ELMO2: variants seen among roughly 807,000 people sequenced by gnomAD.
The protein encoded by ELMO2 is engulfment and cell motility protein 2.
A neutral mutation model predicts 96.2 loss-of-function variants in ELMO2; 37 were observed. The observed-to-expected ratio is 0.38, with a 90% CI of 0.30 to 0.51. The LOEUF (loss-of-function observed/expected upper bound fraction) is 0.51, where lower values mean the gene tolerates loss of function less well. ELMO2 is among the 20% of genes least tolerant of loss of function. The pLI is 0.88. For missense variants in ELMO2, 561 were observed against 912.6 expected (o/e 0.61, Z 4.96); for synonymous variants, 315 against 329.4 (o/e 0.96, Z 0.47).
In ELMO2 at chr20:46,366,162, C is replaced by G. The variant is rs2059582492; in HGVS notation, c.*1198G>C. 2.0e-5 allele frequency: 3 copies of G among 152,606 alleles called. No individual in the cohort carries two copies. The South Asian group carries it at 6.2e-4, about 32-fold the overall frequency. 9.5% of individuals were successfully genotyped at this position (152,606 alleles called of 1,614,324 possible). A position where few individuals can be genotyped will look rare whatever the true frequency, so the allele number is the denominator to read the frequency against. On this transcript the variant is annotated 3_prime_UTR_variant, in exon 22 of 22. Transcript: ENST00000290246. ...GGAAGTGTTACATACTTTTTACTTC[C>G]CCTCAATTTTATTTTTCCCCAAGGT...
intron 9 of ELMO2, among the ~76,000 whole-genome samples, chr20:46,384,110 T>C (rs2060001715): frequency 6.6e-6 from 1 of 152,262 alleles, no homozygotes; most frequent in South Asian, 2.1e-4. Context: ...GATCCCGATT[T>C]TGTTAAAAAT....
chr20:46,392,960 AC>A (rs763912922), intron 6 of ELMO2, 132 bp downstream of exon 6: 1 of 774,282 alleles, frequency 1.3e-6, no homozygotes, highest in Non-Finnish European at 2.1e-6. Flanking sequence ...ATTTTCCTGT[AC>A]TATTTCCTGA....
chr20:46,399,245 T>A (rs1378261828), intron 1 of ELMO2, among the ~76,000 whole-genome samples: 1 of 152,138 alleles, frequency 6.6e-6, no homozygotes, highest in Non-Finnish European at 1.5e-5. Context: ...TAAGAAACCT[T>A]CACAGCAAGA....
At position 46,370,565 on chromosome 20, in the gene ELMO2, G is replaced by A. The variant is rs767220841; in HGVS notation, c.1802-40C>T. On this transcript the variant is annotated intron_variant, in intron 19 of 21. Coordinates refer to ENST00000290246, the MANE Select transcript of ELMO2 (RefSeq NM_133171.5). The stretch of plus-strand genomic sequence containing the variant: ...GAATTAGTCTCTGGAAGTTCATGCT[G>A]CAAGCTGGTCAGTGCCTACATCAGT... 8.2e-6 allele frequency: 13 copies of A among 1,593,442 alleles called. No individual in the cohort carries two copies. The African/African-American group carries it at 1.1e-4, about 13-fold the overall frequency.
Position 46,375,936 on chromosome 20 carries a change from T to G in ELMO2, c.808-146A>C. The G allele has an allele frequency of 1.7e-6, 2 of 1,163,902 alleles. No individual in the cohort carries two copies. Among genetic ancestry groups the G allele is most frequent in the South Asian group, 3.1e-5 (2 of 63,534 alleles). 72.1% of individuals were successfully genotyped at this position (1,163,902 alleles called of 1,614,324 possible). ...GAGGACTTCATATTCTAGAAGGCGATGGAGCATGAATGGGCTTGGTTCAGG... is the reference window on the plus strand; with the variant it reads ...GAGGACTTCATATTCTAGAAGGCGAGGGAGCATGAATGGGCTTGGTTCAGG... On this transcript the variant is annotated intron_variant, in intron 11 of 21. Transcript: ENST00000290246. The surrounding 1 kb of genome is among the most constrained non-coding windows in gnomAD (Gnocchi z 4.6).
chr20:46,381,852 T>C (rs1385474644), intron 10 of ELMO2, among the ~76,000 whole-genome samples: 1 of 152,224 alleles, frequency 6.6e-6, no homozygotes, highest in Non-Finnish European at 1.5e-5. Context: ...GGATACCTTT[T>C]CTCTTCCACT....
In ELMO2 at chr20:46,366,323, A is replaced by G. The variant is rs2059585954; in HGVS notation, c.*1037T>C. 1.3e-5 allele frequency: 2 copies of G among 152,704 alleles called. No homozygotes were observed. The highest frequency in any genetic ancestry group is 1.5e-5 in the Non-Finnish European group (1 of 68,076). The allele number at this position is 152,704 out of a possible 1,614,324, so 9.5% of individuals were successfully genotyped here. A position where few individuals can be genotyped will look rare whatever the true frequency, so the allele number is the denominator to read the frequency against. ...GCCAGGCCACCAATACTGAATGCCAATGTGCTAACGTATGTCCAGGGAGAG... is the reference window on the plus strand; with the variant it reads ...GCCAGGCCACCAATACTGAATGCCAGTGTGCTAACGTATGTCCAGGGAGAG... On this transcript the variant is annotated 3_prime_UTR_variant, in exon 22 of 22. Transcript: ENST00000290246.
intron 7 of ELMO2, 146 bp from the exon 8 acceptor site, chr20:46,387,583 T>C (rs2060069958): frequency 1.9e-6 from 1 of 514,916 alleles, no homozygotes. Context: ...AGTGCCTGTG[T>C]GCACACCTAG....
At chr20:46,406,181 T>C (rs897369181) in intron 1 of ELMO2, among the ~76,000 whole-genome samples, 11 of 151,624 alleles carry the variant, frequency 7.3e-5, no homozygotes, top group African/African-American at 2.2e-4. Context: ...CTCCGGCTTC[T>C]TCCCAGCCCT....
chr20:46,404,102 G>C (rs1407403366), intron 1 of ELMO2, among the ~76,000 whole-genome samples: 1 of 152,066 alleles, frequency 6.6e-6, no homozygotes, highest in Non-Finnish European at 1.5e-5. Flanking sequence ...AAATAGAAAA[G>C]CCAGGCTATA....
At chr20:46,369,311 G>A (rs1000552294) in intron 20 of ELMO2, 6 of 208,686 alleles carry the variant, frequency 2.9e-5, no homozygotes, top group Non-Finnish European at 4.9e-5. Context: ...AACTTCTATC[G>A]TGCTGTATTT....
chr20:46,402,341 T>G (rs1406057203), intron 1 of ELMO2, among the ~76,000 whole-genome samples: 1 of 152,194 alleles, frequency 6.6e-6, no homozygotes, highest in Non-Finnish European at 1.5e-5. Flanking sequence ...CAGACCTAAA[T>G]GCCTTCAGAA....
Position 46,393,163 on chromosome 20 carries a change from C to T in ELMO2, c.193-20G>A. On this transcript the variant is annotated intron_variant, in intron 5 of 21. Transcript: ENST00000290246. The stretch of plus-strand genomic sequence containing the variant: ...GCGAGTCTGGGTAGTGAAAAATAAA[C>T]AAAAAAAGTAACTAAGATAAAATGT... 1 of 1,610,762 alleles carries T rather than the reference C, an allele frequency of 6.2e-7. No homozygotes were observed. Among genetic ancestry groups the T allele is most frequent in the Non-Finnish European group, 8.5e-7 (1 of 1,177,910 alleles).
intron 21 of ELMO2, 58 bp from the exon 22 acceptor site, chr20:46,367,618 GC>G: frequency 7.0e-7 from 1 of 1,430,680 alleles, no homozygotes; most frequent in Non-Finnish European, 9.5e-7. Flanking sequence ...AGGAGATCCT[GC>G]CAAGGTCTCT....
chr20:46,395,754 A>T (rs2060232405), intron 2 of ELMO2, among the ~76,000 whole-genome samples: 1 of 152,212 alleles, frequency 6.6e-6, no homozygotes, highest in Admixed American at 6.5e-5. Flanking sequence ...GATGCTTCAG[A>T]AGTCTACTGT....
chr20:46,370,492 C>T lies in ELMO2; in HGVS notation c.1835G>A (p.Gly612Glu). ...PVADIKAIVTGKDCPHMKEKS... is the reference protein window; with the variant it reads ...PVADIKAIVTEKDCPHMKEKS... ...CTCTTTCATGTGGGGACAATCTTTC[C>T]CAGTGACAATGGCCTTAATGTCTGC... The change falls in exon 20 of 22, where the codon GGG becomes GAG. Residue 612 changes from glycine (G) to glutamate (E), a missense_variant. By Grantham distance (98) the Gly-to-Glu change is moderately conservative. Coordinates refer to ENST00000290246, the MANE Select transcript of ELMO2 (RefSeq NM_133171.5). The T allele has an allele frequency of 6.2e-7, 1 of 1,614,150 alleles. No individual in the cohort carries two copies. The highest frequency in any genetic ancestry group is 8.5e-7 in the Non-Finnish European group (1 of 1,180,034).
At chr20:46,393,177 A>G (rs2060182566) in intron 5 of ELMO2, 34 bp from the exon 6 acceptor site, 1 of 1,602,796 alleles carries the variant, frequency 6.2e-7, no homozygotes. Flanking sequence ...AAAAGTAACT[A>G]AGATAAAATG....
intron 2 of ELMO2, among the ~76,000 whole-genome samples, chr20:46,397,816 T>C (rs1366578566): frequency 6.6e-6 from 1 of 152,044 alleles, no homozygotes; most frequent in Non-Finnish European, 1.5e-5. Context: ...GCCAAAGATA[T>C]GGAGAATAAA....
At chr20:46,368,714 C>A (rs1242521115) in intron 21 of ELMO2, among the ~76,000 whole-genome samples, 177 bp downstream of exon 21, 2 of 152,086 alleles carry the variant, frequency 1.3e-5, no homozygotes, top group East Asian at 3.9e-4. Context: ...ACCACAGCTC[C>A]TCCTTTGAGA....
Sources: allele counts gnomAD v4.1 joint callset (sites outside exome capture counted in the v4.1 genomes callset), GRCh38; gene constraint gnomAD v4.1.1; non-coding constraint Gnocchi (gnomAD v3.1); transcripts MANE v1.5; gene names NCBI Gene and HGNC (gene_info 2026-07-23, HGNC 2026-07-21).